The following PEAK1 variants were observed in gnomAD, a reference collection of about 807,000 sequenced individuals.
PEAK1 encodes inactive tyrosine-protein kinase PEAK1.
A neutral mutation model predicts 124.7 loss-of-function variants in PEAK1; 54 were observed. The observed-to-expected ratio is 0.43, with a 90% confidence interval of 0.35 to 0.54. The LOEUF is 0.54. PEAK1 is among the 20% of genes least tolerant of loss of function. The pLI is 0.01. For synonymous variants in PEAK1, 719 were observed against 760.0 expected (o/e 0.95, Z 0.89); for missense variants, 2,046 against 2,134.5 (o/e 0.96, Z 0.82).
At chr15:77,135,233 G>C (rs1003120076) in intron 8 of PEAK1, among the ~76,000 whole-genome samples, 2 of 152,178 alleles carry the variant, frequency 1.3e-5, no homozygotes, top group Non-Finnish European at 2.9e-5. Context: ...TGTTCATATA[G>C]AGTAGAAGGT....
intron 8 of PEAK1, among the ~76,000 whole-genome samples, chr15:77,147,599 A>G (rs755794816): frequency 2.0e-5 from 3 of 152,194 alleles, no homozygotes; most frequent in African/African-American, 4.8e-5. Flanking sequence ...TGATTCAAAC[A>G]AATTTTATTA....
intron 5 of PEAK1, among the ~76,000 whole-genome samples, chr15:77,269,602 C>T (rs1314969410): frequency 6.6e-6 from 1 of 152,040 alleles, no homozygotes; most frequent in East Asian, 1.9e-4. Context: ...CAGCACTAGA[C>T]AGGTAATCAA....
rs561334486 is a variant in PEAK1 at position 77,347,685 on chromosome 15, A to G, written c.-603+17478T>C. On this transcript the variant is annotated intron_variant, in intron 2 of 9. Coordinates refer to ENST00000682557, the MANE Select transcript of PEAK1 (RefSeq NM_001385026.1). The stretch of plus-strand genomic sequence containing the variant: ...ATAAAACAACACCCTCCTAAAACAG[A>G]AATTTTTAGAAATTACAGAAAATAT... The G allele has an allele frequency of 4.1e-6, 4 of 970,132 alleles. No homozygotes were observed. The East Asian group carries it at 4.6e-4, about 111-fold the overall frequency. The allele number at this position is 970,132 out of a possible 1,614,324, so 60.1% of individuals were successfully genotyped here.
intron 2 of PEAK1, among the ~76,000 whole-genome samples, chr15:77,358,247 C>T (rs531274406): frequency 1.2e-4 from 19 of 152,234 alleles, no homozygotes; most frequent in Admixed American, 6.5e-4. Flanking sequence ...TCAAGCCTCT[C>T]CTATATTAAA....
intron 2 of PEAK1, among the ~76,000 whole-genome samples, chr15:77,354,331 A>G (rs1166162128): frequency 6.6e-6 from 1 of 152,222 alleles, no homozygotes; most frequent in Non-Finnish European, 1.5e-5. Context: ...ATATTTAATT[A>G]GTCACCAATT....
chr15:77,244,330 T>C (rs1009205222), intron 6 of PEAK1, among the ~76,000 whole-genome samples: 2 of 152,204 alleles, frequency 1.3e-5, no homozygotes, highest in Non-Finnish European at 2.9e-5. Context: ...AGATCCCATA[T>C]TGGAGTTTAG....
chr15:77,291,926 G>A (rs957162554), intron 2 of PEAK1, among the ~76,000 whole-genome samples: 12 of 148,002 alleles, frequency 8.1e-5, no homozygotes, highest in African/African-American at 2.3e-4. Context: ...GCAGTGAGCC[G>A]AGATTGTGCC....
At chr15:77,372,266 T>C (rs1040628830) in intron 1 of PEAK1, among the ~76,000 whole-genome samples, 16 of 152,220 alleles carry the variant, frequency 1.1e-4, no homozygotes, top group African/African-American at 3.6e-4. Context: ...GGGGTCCACA[T>C]ACTTGCTCCT....
intron 2 of PEAK1, chr15:77,351,688 T>G: frequency 1.0e-6 from 1 of 960,580 alleles, no homozygotes; most frequent in African/African-American, 1.8e-5. Context: ...TGTCCAATTC[T>G]TTGTTCAAGG....
chr15:77,337,260 A>G (rs2066260715), intron 2 of PEAK1: 6 of 985,314 alleles, frequency 6.1e-6, no homozygotes, highest in South Asian at 9.4e-5. Flanking sequence ...CTAGGGAAAA[A>G]AAAAAGGTTC....
intron 7 of PEAK1, among the ~76,000 whole-genome samples, chr15:77,169,036 T>C (rs1262584007): frequency 6.6e-6 from 1 of 152,206 alleles, no homozygotes; most frequent in Non-Finnish European, 1.5e-5. Flanking sequence ...TTTTATTTTC[T>C]TAATGTCTAC....
intron 2 of PEAK1, among the ~76,000 whole-genome samples, chr15:77,317,113 C>T (rs977810175): frequency 4.6e-5 from 7 of 151,936 alleles, no homozygotes; most frequent in African/African-American, 1.2e-4. Context: ...CAAAACAATA[C>T]GCACAGCAAA....
intron 2 of PEAK1, among the ~76,000 whole-genome samples, chr15:77,321,734 G>A (rs1316581732): frequency 1.3e-5 from 2 of 152,142 alleles, no homozygotes. Context: ...CCTTGCCCAT[G>A]CCTATGTCCT....
intron 1 of PEAK1, chr15:77,417,150 A>G (rs2072944278): frequency 5.7e-6 from 1 of 175,692 alleles, no homozygotes; most frequent in Non-Finnish European, 1.1e-5. Context: ...CATCCATAGG[A>G]ATGTGTGCAT....
chr15:77,159,614 A>G (rs2055452056), intron 7 of PEAK1, among the ~76,000 whole-genome samples: 1 of 152,214 alleles, frequency 6.6e-6, no homozygotes, highest in African/African-American at 2.4e-5. Context: ...CACATTCATT[A>G]GCTATTTTTC....
intron 2 of PEAK1, among the ~76,000 whole-genome samples, chr15:77,317,869 G>GT (rs1415190901): frequency 2.0e-5 from 3 of 152,232 alleles, no homozygotes; most frequent in Non-Finnish European, 4.4e-5. Flanking sequence ...ATTGATATAC[G>GT]TAACAATTTG....
intron 7 of PEAK1, chr15:77,178,143 G>T (rs1426247570): frequency 6.6e-6 from 1 of 152,172 alleles, no homozygotes; most frequent in Admixed American, 6.5e-5. Flanking sequence ...CTAGAGAACT[G>T]ATTTGGGTAT....
intron 2 of PEAK1, chr15:77,338,161 C>A (rs974434878): frequency 2.1e-6 from 2 of 940,816 alleles, no homozygotes; most frequent in African/African-American, 3.6e-5. Flanking sequence ...ATACAGCAGA[C>A]AATGGGAGTA....
At chr15:77,123,971 C>A (rs976345211) in intron 9 of PEAK1, among the ~76,000 whole-genome samples, 1 of 152,166 alleles carries the variant, frequency 6.6e-6, no homozygotes, top group Admixed American at 6.5e-5. Context: ...CAATTTGGCT[C>A]TTCTTTCACC....
Sources: allele counts gnomAD v4.1 joint callset (sites outside exome capture counted in the v4.1 genomes callset), GRCh38; gene constraint gnomAD v4.1.1; transcripts MANE v1.5; gene names NCBI Gene and HGNC (gene_info 2026-07-23, HGNC 2026-07-21).